MUC5B: variants seen among roughly 807,000 people sequenced by gnomAD.
MUC5B encodes mucin 5B, oligomeric mucus/gel-forming.
MUC5B carries 116 observed loss-of-function variants against 376.9 expected under a neutral mutation model. The observed-to-expected ratio is 0.31, with a 90% CI of 0.26 to 0.36. MUC5B has a LOEUF of 0.36. MUC5B is among the 10% of genes least tolerant of loss of function. MUC5B has a pLI of 1.00. For synonymous variants in MUC5B, 3,517 were observed against 3,390.9 expected, an observed-to-expected ratio of 1.04 and a Z score of -1.29; for missense variants, 7,165 against 7,769.9, an observed-to-expected ratio of 0.92 and a Z score of 2.93.
rs749106542 is a variant in MUC5B at position 1,244,960 on chromosome 11, G to A, written c.8080G>A (p.Ala2694Thr). 6 of 1,568,760 alleles carry A rather than the reference G, an allele frequency of 3.8e-6. No homozygotes were observed. Among genetic ancestry groups the A allele is most frequent in the South Asian group, 2.3e-5 (2 of 86,864 alleles). Residue 2694 changes from alanine (A) to threonine (T), a missense_variant, in exon 31 of 49, where the codon GCC (alanine) becomes ACC (threonine). Coordinates refer to ENST00000529681, the MANE Select transcript of MUC5B (RefSeq NM_002458.3). Reference protein sequence around the residue: ...SGTPPSLTTTATTITATGSTT... With the variant: ...SGTPPSLTTTTTTITATGSTT... ...TACTCCCCCATCACTGACCACCACG[G>A]CCACTACGATCACGGCCACCGGCTC...
At position 1,245,295 on chromosome 11, in the gene MUC5B, G is replaced by A. The variant is rs554667551; in HGVS notation, c.8415G>A (p.Ser2805=). ...CAACCACCGGTACCACCCAGCACTC[G>A]ACTCCAGCCCTGTCCAGCCCTCACC... ...PAATTGTTQH[S]TPALSSPHPS... is the part of the protein sequence containing the mutation. The change falls in exon 31 of 49, where the codon TCG becomes TCA. Residue 2805 remains serine (S), a synonymous_variant. Transcript: ENST00000529681. 19 of 1,592,770 alleles carry A rather than the reference G, an allele frequency of 1.2e-5. No individual in the cohort carries two copies. Among genetic ancestry groups the A allele is most frequent in the Admixed American group, 3.5e-5 (2 of 57,652 alleles).
Position 1,261,787 on chromosome 11 carries a change from C to G in MUC5B, c.*179C>G, listed in dbSNP as rs143050510. ...CGGCCCCAGAAGGGTGAGGGGCCAG[C>G]AGGACCCCTTTCGGGAGGGCGCCAC... is the stretch of plus-strand genomic sequence containing the variant. On this transcript the variant is annotated 3_prime_UTR_variant, in exon 49 of 49. Coordinates refer to ENST00000529681, the MANE Select transcript of MUC5B (RefSeq NM_002458.3). The G allele has an allele frequency of 1.4e-6, 1 of 724,954 alleles. No individual in the cohort carries two copies. Among genetic ancestry groups the G allele is most frequent in the African/African-American group, 1.7e-5 (1 of 57,626 alleles). The allele number at this position is 724,954 out of a possible 1,614,324, so 44.9% of individuals were successfully genotyped here.
chr11:1,225,700 G>T lies in MUC5B; in HGVS notation c.90G>T (p.Glu30Asp), dbSNP rs1449910152. 6.2e-7 allele frequency: 1 copy of T among 1,605,492 alleles called. No homozygotes were observed. Among genetic ancestry groups the T allele is most frequent in the Non-Finnish European group, 8.5e-7 (1 of 1,176,676 alleles). ...VPQAETQGPV[E>D]PSWENAGHTM... ...CCACAGAGACCCAGGGCCCTGTGGAGCCGAGCTGGGAGAATGCAGGGCACA... is the reference window on the plus strand; with the variant it reads ...CCACAGAGACCCAGGGCCCTGTGGATCCGAGCTGGGAGAATGCAGGGCACA... The change falls in exon 2 of 49, where the codon GAG (glutamate) becomes GAT (aspartate). Residue 30 changes from glutamate (E) to aspartate (D), a missense_variant. Around this residue, in one of 31 missense-constraint regions of MUC5B, gnomAD observed 640 missense variants for 733.0 expected, o/e 0.87. Transcript: ENST00000529681.
Position 1,248,472 on chromosome 11 carries a change from A to C in MUC5B, c.11592A>C (p.Lys3864Asn). The C allele has an allele frequency of 6.2e-7, 1 of 1,610,520 alleles. No individual in the cohort carries two copies. Among genetic ancestry groups the C allele is most frequent in the Non-Finnish European group, 8.5e-7 (1 of 1,178,106 alleles). The change falls in exon 31 of 49, where the codon AAA becomes AAC. Residue 3864 changes from lysine (K) to asparagine (N), a missense_variant. Lys to Asn is a moderately conservative substitution (Grantham distance 94, BLOSUM62 0). Around this residue, in one of 31 missense-constraint regions of MUC5B, gnomAD observed 242 missense variants for 199.0 expected, o/e 1.22. Transcript: ENST00000529681. ...CCCCAGGAACAGCTCACACTACCAA[A>C]GTGCCGACTACCACAACCACGGGCT... ...SSTPGTAHTTKVPTTTTTGFT... is the reference protein window; with the variant it reads ...SSTPGTAHTTNVPTTTTTGFT...
intron 1 of MUC5B, 190 bp downstream of exon 1, chr11:1,223,383 A>C (rs1260990025): frequency 1.5e-6 from 1 of 686,130 alleles, no homozygotes; most frequent in East Asian, 2.7e-5. Context: ...CAGTGTCAGG[A>C]AACTCAGGGG....
Position 1,241,725 on chromosome 11 carries a change from G to C in MUC5B, c.4845G>C (p.Glu1615Asp), listed in dbSNP as rs987447666. The C allele has an allele frequency of 1.2e-6, 2 of 1,612,314 alleles. No individual in the cohort carries two copies. The highest frequency in any genetic ancestry group is 8.5e-7 in the Non-Finnish European group (1 of 1,179,630). Residue 1615 changes from glutamate (E) to aspartate (D), a missense_variant, in exon 31 of 49, where the codon GAG becomes GAC. Glu to Asp is a conservative substitution (Grantham distance 45, BLOSUM62 2). This residue lies in a region of MUC5B where 897 missense variants were observed against 779.6 expected (regional missense o/e 1.15). Coordinates refer to ENST00000529681, the MANE Select transcript of MUC5B (RefSeq NM_002458.3). ...GRATTPPPTT[E>D]LETATTTTTQ... ...CCACAACCCCGCCACCGACCACAGA[G>C]CTGGAGACGGCCACCACCACCACCA...
chr11:1,254,513 C>T (rs535837516), intron 34 of MUC5B, among the ~76,000 whole-genome samples, 162 bp downstream of exon 34: 28 of 152,346 alleles, frequency 1.8e-4, no homozygotes, highest in African/African-American at 6.0e-4. Flanking sequence ...AGGCCGAGCG[C>T]ACCCTGTGGC....
At chr11:1,231,274 G>A (rs778437201) in intron 13 of MUC5B, 149 bp from the exon 14 acceptor site, 17 of 1,036,018 alleles carry the variant, frequency 1.6e-5, no homozygotes, top group Non-Finnish European at 2.2e-5. Flanking sequence ...CACAGGCATG[G>A]GACAGGGAGC....
At position 1,243,152 on chromosome 11, in the gene MUC5B, C is replaced by T. The variant is rs762076044; in HGVS notation, c.6272C>T (p.Thr2091Ile). The change falls in exon 31 of 49, where the codon ACC (threonine) becomes ATC (isoleucine). Residue 2091 changes from threonine (T) to isoleucine (I), a missense_variant. By Grantham distance (89) the Thr-to-Ile change is moderately conservative (BLOSUM62 -1). Coordinates refer to ENST00000529681, the MANE Select transcript of MUC5B (RefSeq NM_002458.3). ...CCCACAACCAGAGGCTCCACGGTGACCCCCTCCTCCATCCCGGGGACCACC... is the reference window on the plus strand; with the variant it reads ...CCCACAACCAGAGGCTCCACGGTGATCCCCTCCTCCATCCCGGGGACCACC... ...TTPTTRGSTV[T>I]PSSIPGTTHT... 1.9e-6 allele frequency: 3 copies of T among 1,610,478 alleles called. No homozygotes were observed. The highest frequency in any genetic ancestry group is 3.9e-4 in the Middle Eastern group (2 of 5,104).
intron 18 of MUC5B, 118 bp downstream of exon 18, chr11:1,233,386 G>A (rs1862079350): frequency 1.7e-6 from 2 of 1,194,936 alleles, no homozygotes; most frequent in Non-Finnish European, 1.1e-6. Flanking sequence ...CCAGGCTGGG[G>A]AGAGTGGGGC....
intron 2 of MUC5B, 81 bp from the exon 3 acceptor site, chr11:1,226,124 C>T (rs993800607): frequency 4.3e-6 from 6 of 1,385,360 alleles, no homozygotes; most frequent in African/African-American, 1.4e-5. Context: ...TGGTGGCTGG[C>T]GAGGAGGGTG....
At chr11:1,225,814 G>A (rs535332145) in intron 2 of MUC5B, 77 bp downstream of exon 2, 208 of 1,369,994 alleles carry the variant, frequency 1.5e-4, no homozygotes, top group South Asian at 8.9e-5. Flanking sequence ...GCAGGCAGAC[G>A]CCTCTCCAAG....
At chr11:1,237,239 C>T in intron 25 of MUC5B, 75 bp downstream of exon 25, 1 of 1,311,276 alleles carries the variant, frequency 7.6e-7, no homozygotes, top group Non-Finnish European at 9.7e-7. Flanking sequence ...ACTGGGTCTT[C>T]TGGGCAGACA....
Position 1,250,085 on chromosome 11 carries a change from C to A in MUC5B, c.13205C>A (p.Thr4402Asn). 6.3e-7 allele frequency: 1 copy of A among 1,595,474 alleles called. No homozygotes were observed. The highest frequency in any genetic ancestry group is 8.5e-7 in the Non-Finnish European group (1 of 1,169,822). The change falls in exon 31 of 49, where the codon ACT becomes AAT. Residue 4402 changes from threonine (T) to asparagine (N), a missense_variant. Thr to Asn is a moderately conservative substitution (Grantham distance 65). This residue lies in a region of MUC5B where 431 missense variants were observed against 390.4 expected (regional missense o/e 1.10). Transcript: ENST00000529681. ...LTELTTAATT[T>N]AATGPTATPS... ...GAGCTGACCACAGCAGCCACTACAA[C>A]TGCAGCCACTGGCCCCACGGCCACC... is the stretch of plus-strand genomic sequence containing the variant.
Position 1,251,236 on chromosome 11 carries a change from A to G in MUC5B, c.14356A>G (p.Thr4786Ala), listed in dbSNP as rs773643648. The G allele has an allele frequency of 3.2e-5, 51 of 1,611,052 alleles. 1 individual carries two copies. The highest frequency in any genetic ancestry group is 3.3e-4 in the Middle Eastern group (2 of 6,084). Reference protein sequence around the residue: ...STIHTSSTPETTHTSTVLTTT... With the variant: ...STIHTSSTPEATHTSTVLTTT... Reference sequence around the variant, plus strand: ...AATCCACACCTCCTCTACTCCAGAGACCACCCACACCTCCACAGTGCTGAC... The same window carrying G: ...AATCCACACCTCCTCTACTCCAGAGGCCACCCACACCTCCACAGTGCTGAC... The change falls in exon 31 of 49, where the codon ACC becomes GCC. Residue 4786 changes from threonine (T) to alanine (A), a missense_variant. By Grantham distance (58) the Thr-to-Ala change is moderately conservative. Transcript: ENST00000529681.
At position 1,255,412 on chromosome 11, in the gene MUC5B, C is replaced by T; in HGVS notation, c.15920C>T (p.Pro5307Leu). ...QVFAECHNLV[P>L]PGPFFNACIS... Reference sequence around the variant, plus strand: ...TTTGCTGAGTGCCACAACCTTGTGCCCCCGGGCCCATTCTTCAACGCCTGC... The same window carrying T: ...TTTGCTGAGTGCCACAACCTTGTGCTCCCGGGCCCATTCTTCAACGCCTGC... Residue 5307 changes from proline (P) to leucine (L), a missense_variant, in exon 37 of 49, where the codon CCC becomes CTC. Transcript: ENST00000529681. 1 of 1,603,914 alleles carries T rather than the reference C, an allele frequency of 6.2e-7. No homozygotes were observed. Among genetic ancestry groups the T allele is most frequent in the South Asian group, 1.1e-5 (1 of 89,512 alleles).
rs183657141 is a variant in MUC5B at position 1,242,702 on chromosome 11, C to G, written c.5822C>G (p.Thr1941Ser). ...RTAPPPKVLT[T>S]TATTPTVTSS... ...GCTCCCCCTCCCAAAGTGCTGACCA[C>G]CACGGCCACCACACCCACAGTCACC... The change falls in exon 31 of 49, where the codon ACC becomes AGC. Residue 1941 changes from threonine to serine, a missense_variant. Around this residue, in one of 31 missense-constraint regions of MUC5B, gnomAD observed 897 missense variants for 779.6 expected, o/e 1.15. Coordinates refer to ENST00000529681, the MANE Select transcript of MUC5B (RefSeq NM_002458.3). The G allele has an allele frequency of 0.029, 47,015 of 1,613,430 alleles. 10 individuals are homozygous for G. The highest frequency in any genetic ancestry group is 0.032 in the Non-Finnish European group (37,872 of 1,179,664).
At position 1,231,055 on chromosome 11, in the gene MUC5B, G is replaced by T. The variant is rs749393927; in HGVS notation, c.1540+50G>T. On this transcript the variant is annotated intron_variant, in intron 13 of 48. Coordinates refer to ENST00000529681, the MANE Select transcript of MUC5B (RefSeq NM_002458.3). Reference sequence around the variant, plus strand: ...GGGCTGGGTGGCGCCTGCTTGCAGGGGCAGCTCCCACAGCCTGGGCAGCGT... The same window carrying T: ...GGGCTGGGTGGCGCCTGCTTGCAGGTGCAGCTCCCACAGCCTGGGCAGCGT... The T allele has an allele frequency of 9.9e-6, 15 of 1,511,112 alleles. No individual in the cohort carries two copies. The African/African-American group carries it at 1.8e-4, about 18-fold the overall frequency. The allele number at this position is 1,511,112 out of a possible 1,614,324, so 93.6% of individuals were successfully genotyped here. A position where few individuals can be genotyped will look rare whatever the true frequency, so the allele number is the denominator to read the frequency against.
Position 1,256,733 on chromosome 11 carries a change from T to A in MUC5B, c.16199T>A (p.Leu5400His). 1 of 1,554,952 alleles carries A rather than the reference T, an allele frequency of 6.4e-7. No individual in the cohort carries two copies. Among genetic ancestry groups the A allele is most frequent in the Non-Finnish European group, 8.7e-7 (1 of 1,152,268 alleles). Reference sequence around the variant, plus strand: ...TGCTTCTGCCCTGAGGACCAGATCCTCTTCAACGCACACATGGGCATCTGC... The same window carrying A: ...TGCTTCTGCCCTGAGGACCAGATCCACTTCAACGCACACATGGGCATCTGC... ...EGCFCPEDQI[L>H]FNAHMGICVQ... is the part of the protein sequence containing the mutation. The change falls in exon 39 of 49, where the codon CTC (leucine) becomes CAC (histidine). Residue 5400 changes from leucine to histidine, a missense_variant. By Grantham distance (99) the Leu-to-His change is moderately conservative. Around this residue, in one of 31 missense-constraint regions of MUC5B, gnomAD observed 842 missense variants for 1,016.9 expected, o/e 0.83. Coordinates refer to ENST00000529681, the MANE Select transcript of MUC5B (RefSeq NM_002458.3).
Sources: gnomAD v4.1 joint callset for allele counts (sites outside exome capture counted in the v4.1 genomes callset) on GRCh38, gnomAD v4.1.1 for gene constraint, gnomAD v4.1.1 regional missense constraint, MANE v1.5 for transcripts, NCBI Gene and HGNC (gene_info 2026-07-23, HGNC 2026-07-21) for gene names.